PTPRN2: variants seen among roughly 807,000 people sequenced by gnomAD.
PTPRN2 encodes the protein receptor-type tyrosine-protein phosphatase N2.
Under a neutral mutation model 118.8 loss-of-function variants are expected in PTPRN2, and 74 were observed. The ratio of observed to expected loss-of-function variants is 0.62; its 90% CI spans 0.52 to 0.76. PTPRN2 has a LOEUF of 0.76. Ranked by LOEUF, PTPRN2 falls within the 30% of genes least tolerant of loss-of-function variation. The pLI, the probability that PTPRN2 is intolerant of heterozygous loss-of-function variation, is 0.00. For missense variants in PTPRN2, 1,481 were observed against 1,394.4 expected, an observed-to-expected ratio of 1.06 and a Z score of -0.99; for synonymous variants, 641 against 608.0, an observed-to-expected ratio of 1.05 and a Z score of -0.80.
chr7:158,415,657 C>T (rs1814597256), intron 2 of PTPRN2, among the ~76,000 whole-genome samples: 1 of 152,128 alleles, frequency 6.6e-6, no homozygotes, highest in African/African-American at 2.4e-5. Flanking sequence ...GGACTTGTCC[C>T]CCCACCCCAC....
chr7:157,570,770 A>G (rs573227266), intron 20 of PTPRN2, among the ~76,000 whole-genome samples: 192 of 152,272 alleles, frequency 1.3e-3, no homozygotes, highest in Middle Eastern at 6.8e-3. Flanking sequence ...ATTTCTCACC[A>G]TCTGCAGAGG....
At chr7:158,357,580 G>A (rs545014759) in intron 2 of PTPRN2, among the ~76,000 whole-genome samples, 1 of 152,254 alleles carries the variant, frequency 6.6e-6, no homozygotes, top group Admixed American at 6.5e-5. Flanking sequence ...CACTGAGGGC[G>A]TCACACAGGC....
At chr7:158,421,047 C>T (rs1815203961) in intron 2 of PTPRN2, among the ~76,000 whole-genome samples, 4 of 152,198 alleles carry the variant, frequency 2.6e-5, no homozygotes, top group African/African-American at 9.6e-5. Flanking sequence ...TCATCCTCTG[C>T]TCAAGTATCT....
chr7:157,766,487 T>A (rs1284348772), intron 12 of PTPRN2, among the ~76,000 whole-genome samples: 3 of 152,178 alleles, frequency 2.0e-5, no homozygotes, highest in African/African-American at 7.2e-5. Context: ...CCTTCCTCCA[T>A]CCATCCATTG....
rs749966674 is a variant in PTPRN2 at position 158,138,559 on chromosome 7, A to G, written c.911-44T>C. 6.4e-6 allele frequency: 10 copies of G among 1,574,528 alleles called. No homozygotes were observed. The Admixed American group carries it at 1.5e-4, about 24-fold the overall frequency. Reference sequence around the variant, plus strand: ...ACACAAGGACGTTGTGGGTGGACGAATGCAAAGGTGAGGGCCTCCAGACCA... The same window carrying G: ...ACACAAGGACGTTGTGGGTGGACGAGTGCAAAGGTGAGGGCCTCCAGACCA... On this transcript the variant is annotated intron_variant, in intron 6 of 22. Transcript: ENST00000389418.
intron 3 of PTPRN2, among the ~76,000 whole-genome samples, chr7:158,261,249 C>T (rs1586021087): frequency 6.6e-6 from 1 of 152,198 alleles, no homozygotes. Flanking sequence ...GACAAGCAGG[C>T]CGGGCAGCGG....
At chr7:157,700,947 G>A (rs1263990126) in intron 12 of PTPRN2, among the ~76,000 whole-genome samples, 3 of 152,184 alleles carry the variant, frequency 2.0e-5, no homozygotes, top group African/African-American at 4.8e-5. Flanking sequence ...TGAGTGCTAC[G>A]GACTGCTCAT....
intron 11 of PTPRN2, among the ~76,000 whole-genome samples, chr7:157,912,993 T>C (rs998731920): frequency 1.3e-5 from 2 of 152,206 alleles, no homozygotes; most frequent in Admixed American, 6.5e-5. Flanking sequence ...TTTTTGGATT[T>C]TTGTTAAAAT....
At chr7:158,169,911 C>T (rs1431579434) in intron 5 of PTPRN2, among the ~76,000 whole-genome samples, 5 of 151,894 alleles carry the variant, frequency 3.3e-5, no homozygotes, top group East Asian at 3.9e-4. Context: ...AGGCTGGTCT[C>T]GAACTCCTGA....
At chr7:158,102,344 C>A (rs1051721686) in intron 10 of PTPRN2, among the ~76,000 whole-genome samples, 2 of 152,188 alleles carry the variant, frequency 1.3e-5, no homozygotes, top group Non-Finnish European at 2.9e-5. Flanking sequence ...TCCAAAGCCA[C>A]CTCTTGTGAC....
intron 12 of PTPRN2, among the ~76,000 whole-genome samples, chr7:157,686,008 G>T (rs542437875): frequency 7.0e-4 from 106 of 152,342 alleles, no homozygotes; most frequent in Admixed American, 2.4e-3. Context: ...CCCGGAGGGC[G>T]ACCGCGCGGG....
At chr7:157,685,750 C>G (rs1302655504) in intron 12 of PTPRN2, among the ~76,000 whole-genome samples, 2 of 152,200 alleles carry the variant, frequency 1.3e-5, no homozygotes, top group African/African-American at 2.4e-5. Context: ...AGAAAAATGT[C>G]AAGGAGAGCG....
intron 10 of PTPRN2, among the ~76,000 whole-genome samples, chr7:158,086,839 G>A (rs1273449994): frequency 1.3e-5 from 2 of 152,074 alleles, no homozygotes; most frequent in East Asian, 1.9e-4. Context: ...CAGGATCATC[G>A]ACTGCCTAGC....
chr7:157,932,994 C>G (rs35143004), intron 11 of PTPRN2, among the ~76,000 whole-genome samples: 19 of 113,684 alleles, frequency 1.7e-4, no homozygotes, highest in African/African-American at 6.9e-4. Context: ...GTCACTCTGA[C>G]TGACAGTTTT....
At position 158,103,437 on chromosome 7, in the gene PTPRN2, C is replaced by T. The variant is rs187907426; in HGVS notation, c.1643+7392G>A. Among the ~76,000 whole-genome samples, 612 of 152,290 alleles carry T rather than the reference C, an allele frequency of 4.0e-3. 2 individuals are homozygous for T. Among genetic ancestry groups the T allele is most frequent in the African/African-American group, 0.014 (574 of 41,564 alleles). ...CTGCACACAGGTGAGACTCAAAGACCATCAGGAAAACTGCACTTTCTGGAC... is the reference window on the plus strand; with the variant it reads ...CTGCACACAGGTGAGACTCAAAGACTATCAGGAAAACTGCACTTTCTGGAC... On this transcript the variant is annotated intron_variant, in intron 10 of 22. Transcript: ENST00000389418.
At chr7:157,882,481 A>G (rs540225176) in intron 12 of PTPRN2, among the ~76,000 whole-genome samples, 62 of 150,950 alleles carry the variant, frequency 4.1e-4, no homozygotes, top group African/African-American at 1.4e-3. Context: ...CCCCAAAATG[A>G]CTGTCGGAGA....
chr7:157,620,006 G>A (rs1036187517), intron 15 of PTPRN2, among the ~76,000 whole-genome samples: 1 of 152,204 alleles, frequency 6.6e-6, no homozygotes, highest in Non-Finnish European at 1.5e-5. Flanking sequence ...TGCTCTCGAA[G>A]TGTGAGCTGA....
At chr7:157,631,045 A>T (rs772820415) in intron 14 of PTPRN2, among the ~76,000 whole-genome samples, 2 of 152,140 alleles carry the variant, frequency 1.3e-5, no homozygotes, top group Admixed American at 6.5e-5. Context: ...TTTCTCTGAG[A>T]GTTTTGTCTC....
At chr7:157,747,434 C>T (rs1384964050) in intron 12 of PTPRN2, among the ~76,000 whole-genome samples, 4 of 78,128 alleles carry the variant, frequency 5.1e-5, no homozygotes, top group East Asian at 5.0e-4. Flanking sequence ...TTGGGCTGTC[C>T]GGGTGATTCT....
Sources: gnomAD v4.1 joint callset for allele counts (sites outside exome capture counted in the v4.1 genomes callset) on GRCh38, gnomAD v4.1.1 for gene constraint, MANE v1.5 for transcripts, NCBI Gene and HGNC (gene_info 2026-07-23, HGNC 2026-07-21) for gene names.